DNER: variants seen among roughly 807,000 people sequenced by gnomAD.
DNER encodes the protein delta and Notch-like epidermal growth factor-related receptor.
Under a neutral mutation model 78.2 loss-of-function variants are expected in DNER, and 33 were observed. The observed-to-expected ratio is 0.42, with a 90% CI of 0.32 to 0.56. DNER has a LOEUF of 0.56. Ranked by LOEUF, DNER falls within the 20% of genes least tolerant of loss-of-function variation. The probability of loss-of-function intolerance (pLI) is 0.11; values close to 1 mark genes in which losing one functional copy is unlikely to be tolerated. For synonymous variants in DNER, 417 were observed against 384.8 expected, an observed-to-expected ratio of 1.08 and a Z score of -0.98; for missense variants, 918 against 975.3, an observed-to-expected ratio of 0.94 and a Z score of 0.78.
intron 1 of DNER, among the ~76,000 whole-genome samples, chr2:229,611,853 A>C (rs1325153065): frequency 6.6e-6 from 1 of 152,176 alleles, no homozygotes; most frequent in African/African-American, 2.4e-5. Context: ...TTCGTCACAC[A>C]GTGTCGGTGG....
intron 1 of DNER, among the ~76,000 whole-genome samples, chr2:229,710,983 G>GCGCGCACACACA (rs1553555262): frequency 5.7e-5 from 8 of 139,810 alleles, no homozygotes; most frequent in Non-Finnish European, 7.7e-5. Context: ...GCATACACGC[G>GCGCGCACACACA]CACACACACA....
chr2:229,387,563 G>GAAAGAA (rs1553602558), intron 11 of DNER, among the ~76,000 whole-genome samples: 1 of 143,884 alleles, frequency 7.0e-6, no homozygotes, highest in African/African-American at 2.6e-5. Context: ...AAGAAAGAAA[G>GAAAGAA]AAAGAAAAGA....
rs113635956 is a variant in DNER, at chr2:229,365,424, T to G, written c.2102+1449A>C. On this transcript the variant is annotated intron_variant, in intron 12 of 12. Coordinates refer to ENST00000341772, the MANE Select transcript of DNER (RefSeq NM_139072.4). ...AGGATGTGGATATGTGCTGTTGAGA[T>G]AGAAAACCCAGGGATTTTTGTTTTT... Among the ~76,000 whole-genome samples, 548 of 152,240 alleles carry G rather than the reference T, an allele frequency of 3.6e-3. 3 individuals are homozygous for G. Among genetic ancestry groups the G allele is most frequent in the African/African-American group, 0.012 (508 of 41,550 alleles).
At chr2:229,535,128 G>C (rs1382542221) in intron 5 of DNER, among the ~76,000 whole-genome samples, 1 of 152,110 alleles carries the variant, frequency 6.6e-6, no homozygotes, top group Non-Finnish European at 1.5e-5. Context: ...GAGCCACCAC[G>C]CCTGGCTGTA....
chr2:229,579,316 C>T (rs923521136), intron 4 of DNER, among the ~76,000 whole-genome samples: 1 of 152,188 alleles, frequency 6.6e-6, no homozygotes, highest in African/African-American at 2.4e-5. Flanking sequence ...ATCATCTTTG[C>T]ACATCCAGAC....
At chr2:229,450,388 G>A (rs1363872553) in intron 7 of DNER, among the ~76,000 whole-genome samples, 2 of 152,178 alleles carry the variant, frequency 1.3e-5, no homozygotes, top group Non-Finnish European at 2.9e-5. Context: ...CAGTAGAAGA[G>A]TTAATATTAA....
chr2:229,464,060 T>C lies in DNER; in HGVS notation c.1261+13080A>G, dbSNP rs778424890. Among the ~76,000 whole-genome samples the C allele has an allele frequency of 3.3e-5, 5 of 152,276 alleles. No homozygotes were observed. The South Asian group carries it at 8.3e-4, about 25-fold the overall frequency. On this transcript the variant is annotated intron_variant, in intron 7 of 12. Coordinates refer to ENST00000341772, the MANE Select transcript of DNER (RefSeq NM_139072.4). ...AGGTCAGAAAAATCTCATGGGACAG[T>C]TGGCTTTTCCAACTGGGCCTGAAAG...
chr2:229,657,262 T>G (rs1261451301), intron 1 of DNER, among the ~76,000 whole-genome samples: 1 of 152,196 alleles, frequency 6.6e-6, no homozygotes, highest in African/African-American at 2.4e-5. Flanking sequence ...TCTGGCTTAT[T>G]TCATTTAGCA....
At chr2:229,696,802 G>A (rs775948744) in intron 1 of DNER, among the ~76,000 whole-genome samples, 1 of 152,154 alleles carries the variant, frequency 6.6e-6, no homozygotes, top group African/African-American at 2.4e-5. Flanking sequence ...GGAGCTTCTG[G>A]GATGCTATCA....
chr2:229,659,647 C>T (rs562981308), intron 1 of DNER, among the ~76,000 whole-genome samples: 12 of 152,230 alleles, frequency 7.9e-5, no homozygotes, highest in East Asian at 1.9e-4. Flanking sequence ...TAAACTCTGA[C>T]GTTTATGTCC....
intron 1 of DNER, among the ~76,000 whole-genome samples, chr2:229,602,744 T>A (rs904633022): frequency 3.9e-5 from 6 of 152,148 alleles, no homozygotes; most frequent in Non-Finnish European, 7.4e-5. Context: ...ATAAATCAAA[T>A]GTTAAAAATG....
intron 1 of DNER, among the ~76,000 whole-genome samples, chr2:229,617,173 A>C (rs4972905): frequency 0.48 from 73,134 of 152,050 alleles, 19,692 homozygotes; most frequent in Admixed American, 0.6. Flanking sequence ...TATGGTAACT[A>C]AAATAAGAAA....
intron 6 of DNER, among the ~76,000 whole-genome samples, chr2:229,490,086 G>A (rs1036137413): frequency 2.0e-5 from 3 of 152,172 alleles, no homozygotes; most frequent in African/African-American, 4.8e-5. Context: ...CATATGGAAG[G>A]AGCAGCAAGG....
At position 229,388,153 on chromosome 2, in the gene DNER, C is replaced by T. The variant is rs1158176490; in HGVS notation, c.1855+112G>A. 9.8e-6 allele frequency: 14 copies of T among 1,429,188 alleles called. No individual in the cohort carries two copies. The East Asian group carries it at 2.5e-4, about 26-fold the overall frequency. The allele number at this position is 1,429,188 out of a possible 1,614,324, so 88.5% of individuals were successfully genotyped here. ...CCTCTGGGACTCACTGCCTCATCTG[C>T]CAGTGACTCGGGGGCTTTCTGGTCA... On this transcript the variant is annotated intron_variant, in intron 11 of 12. Coordinates refer to ENST00000341772, the MANE Select transcript of DNER (RefSeq NM_139072.4).
At chr2:229,405,320 G>A (rs1283834778) in intron 10 of DNER, among the ~76,000 whole-genome samples, 1 of 152,094 alleles carries the variant, frequency 6.6e-6, no homozygotes, top group African/African-American at 2.4e-5. Flanking sequence ...TCGGTTCAAT[G>A]TTTGTTTGTT....
intron 11 of DNER, among the ~76,000 whole-genome samples, chr2:229,367,919 A>G (rs905622120): frequency 2.6e-5 from 4 of 152,242 alleles, no homozygotes; most frequent in Non-Finnish European, 2.9e-5. Flanking sequence ...GCTTATCTTC[A>G]TATCACAATT....
intron 1 of DNER, 135 bp downstream of exon 1, chr2:229,714,013 T>C (rs1699951750): frequency 1.1e-6 from 1 of 931,990 alleles, no homozygotes; most frequent in Non-Finnish European, 1.4e-6. Context: ...GCCAAGAGAC[T>C]GGATCCATCT....
At chr2:229,599,699 G>A (rs774733215) in intron 1 of DNER, among the ~76,000 whole-genome samples, 1 of 152,144 alleles carries the variant, frequency 6.6e-6, no homozygotes, top group South Asian at 2.1e-4. Flanking sequence ...AGGAAGAAAT[G>A]TACAACATAC....
intron 8 of DNER, among the ~76,000 whole-genome samples, chr2:229,418,520 G>A (rs1012258883): frequency 2.6e-5 from 4 of 152,068 alleles, no homozygotes; most frequent in Non-Finnish European, 4.4e-5. Context: ...CTGGTGTTAG[G>A]GTGATCCAGT....
Sources: gnomAD v4.1 joint callset for allele counts (sites outside exome capture counted in the v4.1 genomes callset) on GRCh38, gnomAD v4.1.1 for gene constraint, MANE v1.5 for transcripts, NCBI Gene and HGNC (gene_info 2026-07-23, HGNC 2026-07-21) for gene names.